ZDHHC20: variants seen among roughly 807,000 people sequenced by gnomAD.
ZDHHC20 encodes the protein zDHHC palmitoyltransferase 20, also known as palmitoyltransferase ZDHHC20.
ZDHHC20 carries 43 observed loss-of-function variants against 57.8 expected under a neutral mutation model. That is an observed-to-expected ratio of 0.74 (90% CI 0.58 to 0.96). The LOEUF (loss-of-function observed/expected upper bound fraction) is 0.96. Among genes scored for constraint, ZDHHC20 ranks in the 40% least tolerant of loss-of-function variants. ZDHHC20 has a pLI of 0.00. For synonymous variants in ZDHHC20, 157 were observed against 153.0 expected, an observed-to-expected ratio of 1.03 and a Z score of -0.19; for missense variants, 391 against 441.1, an observed-to-expected ratio of 0.89 and a Z score of 1.02.
intron 1 of ZDHHC20, among the ~76,000 whole-genome samples, chr13:21,425,994 C>T (rs1006790439): frequency 1.1e-4 from 16 of 152,120 alleles, no homozygotes; most frequent in Non-Finnish European, 2.9e-5. Context: ...GCAGAATGAA[C>T]AGAACTGTCC....
chr13:21,391,607 C>T, intron 8 of ZDHHC20, 115 bp downstream of exon 8: 1 of 1,177,752 alleles, frequency 8.5e-7, no homozygotes. Flanking sequence ...GCCACCAATT[C>T]CAGAGTCAGA....
chr13:21,395,671 T>C (rs771890969), intron 7 of ZDHHC20, among the ~76,000 whole-genome samples: 6 of 151,514 alleles, frequency 4.0e-5, no homozygotes, highest in African/African-American at 9.7e-5. Flanking sequence ...CCAGCTAATT[T>C]TGTATTTTTA....
At chr13:21,377,801 C>T (rs1372963013) in intron 12 of ZDHHC20, 3 of 153,186 alleles carry the variant, frequency 2.0e-5, no homozygotes, top group Non-Finnish European at 4.4e-5. Context: ...ACAGATGCTC[C>T]TCTAGCTGAC....
chr13:21,434,354 A>C (rs747131162), intron 1 of ZDHHC20, among the ~76,000 whole-genome samples: 8 of 152,218 alleles, frequency 5.3e-5, no homozygotes, highest in Non-Finnish European at 1.2e-4. Flanking sequence ...TGCCAGTAAT[A>C]TGATTACTTA....
chr13:21,430,377 C>G (rs1273668774), intron 1 of ZDHHC20, among the ~76,000 whole-genome samples: 2 of 151,856 alleles, frequency 1.3e-5, no homozygotes. Context: ...TGAGAGGGAA[C>G]TTGTTACTGT....
At position 21,387,529 on chromosome 13, in the gene ZDHHC20, C is replaced by T; in HGVS notation, c.833G>A (p.Trp278Ter). ...TTACCTTGAAAATATTGGAAGTAGC[C>T]AATATTTCTTTTCATCACCAAAGAC... ...RQVFGDEKKY[W>*]LLPIFSSLGD... is the part of the protein sequence containing the mutation. The change falls in exon 9 of 13, where the codon TGG becomes TAG. Residue 278 changes from tryptophan (W) to a stop codon, truncating the protein, a stop_gained. Transcript: ENST00000400590. LOFTEE classifies it high-confidence loss of function. 1 of 1,534,834 alleles carries T rather than the reference C, an allele frequency of 6.5e-7. No individual in the cohort carries two copies. Among genetic ancestry groups the T allele is most frequent in the Non-Finnish European group, 8.8e-7 (1 of 1,138,466 alleles).
chr13:21,440,922 G>A (rs1883085553), intron 1 of ZDHHC20, among the ~76,000 whole-genome samples: 1 of 151,948 alleles, frequency 6.6e-6, no homozygotes, highest in African/African-American at 2.4e-5. Context: ...ATTTTTTAGA[G>A]TAGTTTTAAG....
chr13:21,411,809 GT>G (rs1288808223), intron 4 of ZDHHC20, among the ~76,000 whole-genome samples: 1 of 152,176 alleles, frequency 6.6e-6, no homozygotes, highest in African/African-American at 2.4e-5. Context: ...AATATTTAGA[GT>G]TTCTACCACG....
At chr13:21,387,427 C>A in intron 9 of ZDHHC20, 81 bp downstream of exon 9, 2 of 1,110,678 alleles carry the variant, frequency 1.8e-6, no homozygotes, top group Non-Finnish European at 2.4e-6. Context: ...ATATTATATT[C>A]TCTAAATCTG....
chr13:21,437,780 C>T (rs1882704972), intron 1 of ZDHHC20, among the ~76,000 whole-genome samples: 1 of 152,062 alleles, frequency 6.6e-6, no homozygotes, highest in Non-Finnish European at 1.5e-5. Flanking sequence ...CCACCTCCAC[C>T]TCCCGGGTTC....
At chr13:21,458,382 A>G (rs1173930771) in intron 1 of ZDHHC20, among the ~76,000 whole-genome samples, 1 of 152,256 alleles carries the variant, frequency 6.6e-6, no homozygotes, top group Non-Finnish European at 1.5e-5. Flanking sequence ...GAAAAAAATA[A>G]TCAGGTTATG....
chr13:21,378,022 G>A (rs1872546596), intron 12 of ZDHHC20: 1 of 152,088 alleles, frequency 6.6e-6, no homozygotes, highest in Non-Finnish European at 1.5e-5. Flanking sequence ...TTCCTCAATA[G>A]TGGACAAAAG....
chr13:21,432,631 C>G (rs1159069741), intron 1 of ZDHHC20, among the ~76,000 whole-genome samples: 2 of 152,118 alleles, frequency 1.3e-5, no homozygotes, highest in African/African-American at 4.8e-5. Flanking sequence ...CTCTCCTGGA[C>G]AACTTTTTTG....
At chr13:21,437,264 A>G (rs1882650437) in intron 1 of ZDHHC20, among the ~76,000 whole-genome samples, 1 of 152,256 alleles carries the variant, frequency 6.6e-6, no homozygotes, top group African/African-American at 2.4e-5. Context: ...GTACAGGACG[A>G]AGCAGCAAGT....
chr13:21,393,369 T>C (rs1376100418), intron 7 of ZDHHC20, among the ~76,000 whole-genome samples: 4 of 151,232 alleles, frequency 2.6e-5, no homozygotes, highest in African/African-American at 7.3e-5. Flanking sequence ...GGCATGGTGG[T>C]ACACGCCTGT....
At chr13:21,443,955 G>A (rs1883431532) in intron 1 of ZDHHC20, among the ~76,000 whole-genome samples, 1 of 152,240 alleles carries the variant, frequency 6.6e-6, no homozygotes, top group African/African-American at 2.4e-5. Context: ...CTGACGTCAG[G>A]AGTCAGCCTG....
chr13:21,435,319 T>C (rs1403453018), intron 1 of ZDHHC20, among the ~76,000 whole-genome samples: 1 of 152,198 alleles, frequency 6.6e-6, no homozygotes, highest in Non-Finnish European at 1.5e-5. Context: ...CATATTTTCT[T>C]CTAATGCTTG....
At chr13:21,400,530 A>T in intron 6 of ZDHHC20, 37 bp from the exon 7 acceptor site, 4 of 1,521,842 alleles carry the variant, frequency 2.6e-6, no homozygotes, top group Non-Finnish European at 3.5e-6. Flanking sequence ...TAAAAGTAAG[A>T]CAAATCACAA....
chr13:21,398,247 G>A (rs1877100377), intron 7 of ZDHHC20, among the ~76,000 whole-genome samples: 1 of 151,980 alleles, frequency 6.6e-6, no homozygotes, highest in African/African-American at 2.4e-5. Context: ...GGCAGATCAC[G>A]AGGTCAGGAG....
Sources: allele counts gnomAD v4.1 joint callset (sites outside exome capture counted in the v4.1 genomes callset), GRCh38; gene constraint gnomAD v4.1.1; transcripts MANE v1.5; gene names NCBI Gene and HGNC (gene_info 2026-07-23, HGNC 2026-07-21).